The following PDS5B variants were observed in gnomAD, a reference collection of about 807,000 sequenced individuals.
PDS5B encodes sister chromatid cohesion protein PDS5 homolog B.
Under a neutral mutation model 184.1 loss-of-function variants are expected in PDS5B, and 51 were observed. The ratio of observed to expected loss-of-function variants is 0.28; its 90% CI spans 0.22 to 0.35. The LOEUF (loss-of-function observed/expected upper bound fraction) is 0.35. Among genes scored for constraint, PDS5B ranks in the 10% least tolerant of loss-of-function variants. The pLI, the probability that PDS5B is intolerant of heterozygous loss-of-function variation, is 1.00. For synonymous variants in PDS5B, 566 were observed against 569.2 expected, an observed-to-expected ratio of 0.99 and a Z score of 0.08; for missense variants, 1,180 against 1,723.3, an observed-to-expected ratio of 0.68 and a Z score of 5.58.
intron 19 of PDS5B, among the ~76,000 whole-genome samples, chr13:32,727,596 T>C (rs1952954773): frequency 6.6e-6 from 1 of 152,144 alleles, no homozygotes; most frequent in African/African-American, 2.4e-5. Flanking sequence ...TTTACAGTGA[T>C]TTTCATTTAA....
chr13:32,629,155 C>T (rs1566260810), intron 1 of PDS5B, among the ~76,000 whole-genome samples: 1 of 152,166 alleles, frequency 6.6e-6, no homozygotes, highest in African/African-American at 2.4e-5. Context: ...GAGCAGCTCT[C>T]TTTTAACCTA....
At chr13:32,627,930 T>G (rs1327352512) in intron 1 of PDS5B, among the ~76,000 whole-genome samples, 1 of 152,190 alleles carries the variant, frequency 6.6e-6, no homozygotes. Context: ...ACTGTATGAT[T>G]GTATTCTTGT....
chr13:32,616,210 C>T (rs935105267), intron 1 of PDS5B, among the ~76,000 whole-genome samples: 1 of 151,942 alleles, frequency 6.6e-6, no homozygotes, highest in Admixed American at 6.6e-5. Flanking sequence ...CCCGCCACCA[C>T]ACCCAGCTAA....
intron 17 of PDS5B, 93 bp from the exon 18 acceptor site, chr13:32,706,841 T>TA: frequency 3.1e-6 from 2 of 643,228 alleles, no homozygotes; most frequent in Non-Finnish European, 5.4e-6. Flanking sequence ...CGGATATGTA[T>TA]ATATGTATGT....
chr13:32,718,451 A>G (rs992097591), intron 19 of PDS5B, among the ~76,000 whole-genome samples: 7 of 151,990 alleles, frequency 4.6e-5, no homozygotes, highest in African/African-American at 1.4e-4. Context: ...CGCCTGGCCA[A>G]AAAAATCAGT....
intron 15 of PDS5B, among the ~76,000 whole-genome samples, chr13:32,698,161 G>A (rs967684119): frequency 1.3e-5 from 2 of 151,864 alleles, no homozygotes; most frequent in Non-Finnish European, 2.9e-5. Context: ...AGAAAAAGGG[G>A]TTTCATTGTC....
intron 16 of PDS5B, 123 bp downstream of exon 16, chr13:32,699,992 A>G: frequency 1.2e-6 from 1 of 860,342 alleles, no homozygotes; most frequent in South Asian, 2.3e-5. Context: ...AAAAATGCAG[A>G]TAAACTATAA....
chr13:32,634,262 A>C (rs2058503978), intron 1 of PDS5B, among the ~76,000 whole-genome samples: 2 of 152,354 alleles, frequency 1.3e-5, no homozygotes, highest in South Asian at 4.1e-4. Context: ...CAGACTCCTT[A>C]TCAGAGACTT....
chr13:32,763,357 A>G (rs186698747), intron 30 of PDS5B: 53 of 152,942 alleles, frequency 3.5e-4, no homozygotes, highest in African/African-American at 1.2e-3. Context: ...AGAAAAAGCA[A>G]TTAGGAGTCA....
chr13:32,661,674 A>G (rs1950652181), intron 6 of PDS5B, among the ~76,000 whole-genome samples: 1 of 152,034 alleles, frequency 6.6e-6, no homozygotes, highest in Non-Finnish European at 1.5e-5. Context: ...GAGAAAAAGT[A>G]CCATGACTAG....
chr13:32,616,189 G>T (rs1205385616), intron 1 of PDS5B, among the ~76,000 whole-genome samples: 1 of 151,906 alleles, frequency 6.6e-6, no homozygotes, highest in African/African-American at 2.4e-5. Flanking sequence ...TAGTAGCTGG[G>T]ATTACAGGCA....
At chr13:32,700,406 A>G (rs536418344) in intron 16 of PDS5B, among the ~76,000 whole-genome samples, 2 of 152,238 alleles carry the variant, frequency 1.3e-5, no homozygotes, top group African/African-American at 4.8e-5. Context: ...ACACACAACA[A>G]TATTGGTCAG....
intron 1 of PDS5B, among the ~76,000 whole-genome samples, chr13:32,629,097 G>A (rs1289538209): frequency 6.6e-6 from 1 of 152,018 alleles, no homozygotes; most frequent in African/African-American, 2.4e-5. Flanking sequence ...GAACTTTCTT[G>A]ACAAGAGAAG....
In PDS5B at chr13:32,673,441, TTAACTGAATG is replaced by T. The variant is rs1417692693; in HGVS notation, c.846+89_846+98del. 3.6e-6 allele frequency: 4 copies of T among 1,123,400 alleles called. No individual in the cohort carries two copies. In the African/African-American group the frequency reaches 6.3e-5, roughly 18 times the overall value. The allele number at this position is 1,123,400 out of a possible 1,614,324, so 69.6% of individuals were successfully genotyped here. ...TAGCTTTTTAATTTTTACAGTAGTT[TTAACTGAATG>T]TAAGAGATGAGGGGGAAGTATTACT... On this transcript the variant is annotated intron_variant, in intron 8 of 34. Coordinates refer to ENST00000315596, the MANE Select transcript of PDS5B (RefSeq NM_015032.4).
chr13:32,668,210 T>C (rs986343742), intron 7 of PDS5B, among the ~76,000 whole-genome samples: 38 of 152,184 alleles, frequency 2.5e-4, no homozygotes, highest in Admixed American at 2.4e-3. Flanking sequence ...TTTTTGGAGC[T>C]TAAATTGATT....
intron 24 of PDS5B, among the ~76,000 whole-genome samples, chr13:32,748,078 C>T (rs1480512827): frequency 6.6e-6 from 1 of 152,216 alleles, no homozygotes; most frequent in East Asian, 1.9e-4. Context: ...GACTATGGAA[C>T]ATGTGTCAGT....
intron 34 of PDS5B, among the ~76,000 whole-genome samples, chr13:32,773,861 G>A (rs1954872377): frequency 1.3e-5 from 2 of 152,042 alleles, no homozygotes; most frequent in African/African-American, 4.8e-5. Context: ...GAGTATAGTG[G>A]CGCACGATCT....
chr13:32,728,979 G>A (rs574702051), intron 19 of PDS5B, among the ~76,000 whole-genome samples: 1 of 152,230 alleles, frequency 6.6e-6, no homozygotes, highest in South Asian at 2.1e-4. Context: ...TGCAGAACGT[G>A]GAGGTTTGTT....
chr13:32,710,597 T>C (rs1952174060), intron 19 of PDS5B, among the ~76,000 whole-genome samples: 2 of 152,242 alleles, frequency 1.3e-5, no homozygotes, highest in South Asian at 4.1e-4. Flanking sequence ...TGAGCTGTTA[T>C]CCTGGGATAA....
Sources: allele counts gnomAD v4.1 joint callset (sites outside exome capture counted in the v4.1 genomes callset), GRCh38; gene constraint gnomAD v4.1.1; transcripts MANE v1.5; gene names NCBI Gene and HGNC (gene_info 2026-07-23, HGNC 2026-07-21).